SLC36A4: variants seen among roughly 807,000 people sequenced by gnomAD.
SLC36A4 encodes solute carrier family 36 member 4.
A neutral mutation model predicts 50.5 loss-of-function variants in SLC36A4; 49 were observed. The observed-to-expected ratio is 0.97, with a 90% CI of 0.77 to 1.23. The LOEUF (loss-of-function observed/expected upper bound fraction) is 1.23, where lower values mean the gene tolerates loss of function less well. Among genes scored for constraint, SLC36A4 ranks in the 50% most tolerant of loss-of-function variants. The pLI is 0.00. For missense variants in SLC36A4, 611 were observed against 608.4 expected, an observed-to-expected ratio of 1.00 and a Z score of -0.05; for synonymous variants, 207 against 206.5, an observed-to-expected ratio of 1.00 and a Z score of -0.02.
chr11:93,156,208 GTGT>G (rs1284309299), intron 9 of SLC36A4, among the ~76,000 whole-genome samples: 3 of 151,958 alleles, frequency 2.0e-5, no homozygotes, highest in Admixed American at 6.6e-5. Flanking sequence ...TTTATAATAA[GTGT>G]TGTTCCTTTT....
chr11:93,170,543 G>A (rs1209886876), intron 6 of SLC36A4, among the ~76,000 whole-genome samples: 2 of 152,060 alleles, frequency 1.3e-5, no homozygotes, highest in East Asian at 3.9e-4. Flanking sequence ...CCAGGGATAA[G>A]GGGGGTTTGC....
chr11:93,185,727 T>A lies in SLC36A4; in HGVS notation c.143A>T (p.Gln48Leu). 1.2e-6 allele frequency: 2 copies of A among 1,604,746 alleles called. No homozygotes were observed. The highest frequency in any genetic ancestry group is 1.7e-4 in the Middle Eastern group (1 of 6,026). The change falls in exon 2 of 11, where the codon CAG becomes CTG. Residue 48 changes from glutamine to leucine, a missense_variant. By Grantham distance (113) the Gln-to-Leu change is moderately radical. Coordinates refer to ENST00000326402, the MANE Select transcript of SLC36A4 (RefSeq NM_152313.4). The stretch of plus-strand genomic sequence containing the variant: ...TTGATCATCAAGTTGGTAATGCTTC[T>A]GAACAGGCAGAAGCTCTTGCTCATG... ...EEHEQELLPV[Q>L]KHYQLDDQEG...
At chr11:93,193,984 T>C (rs1862320218) in intron 1 of SLC36A4, among the ~76,000 whole-genome samples, 1 of 152,160 alleles carries the variant, frequency 6.6e-6, no homozygotes, top group African/African-American at 2.4e-5. Context: ...AGTTACTTTA[T>C]GAAATATTGC....
intron 1 of SLC36A4, among the ~76,000 whole-genome samples, chr11:93,193,819 T>C (rs1862310993): frequency 6.6e-6 from 1 of 152,186 alleles, no homozygotes; most frequent in Non-Finnish European, 1.5e-5. Flanking sequence ...TTAAAAATGT[T>C]TATTTCTTTC....
rs1016788096 is a variant in SLC36A4 at position 93,146,453 on chromosome 11, A to G, written c.*2084T>C. On this transcript the variant is annotated 3_prime_UTR_variant, in exon 11 of 11. Coordinates refer to ENST00000326402, the MANE Select transcript of SLC36A4 (RefSeq NM_152313.4). ...TTCTGCATTCTCTTAGTATGACTAA[A>G]GGCTCAGTGTAACAGAATTGATATA... The G allele has an allele frequency of 6.6e-5, 10 of 151,998 alleles. No homozygotes were observed. The highest frequency in any genetic ancestry group is 1.2e-4 in the Non-Finnish European group (8 of 67,938). The allele number at this position is 151,998 out of a possible 1,614,324, so 9.4% of individuals were successfully genotyped here.
In SLC36A4 at chr11:93,182,885, T is replaced by C. The variant is rs1478430457; in HGVS notation, c.280A>G (p.Ile94Val). The C allele has an allele frequency of 9.3e-6, 15 of 1,610,834 alleles. No homozygotes were observed. The highest frequency in any genetic ancestry group is 1.3e-5 in the Non-Finnish European group (15 of 1,178,632). ...ATAATTCCTATAAACACAAGGCTGA[T>C]TGGTCCAAGCTGTGGGGAAAAAAAA... is the stretch of plus-strand genomic sequence containing the variant. ...IKNAGIVLGP[I>V]SLVFIGIISV... Residue 94 changes from isoleucine to valine, a missense_variant, in exon 4 of 11, where the codon ATC becomes GTC. Coordinates refer to ENST00000326402, the MANE Select transcript of SLC36A4 (RefSeq NM_152313.4).
intron 6 of SLC36A4, among the ~76,000 whole-genome samples, chr11:93,178,699 T>C (rs1170011963): frequency 2.0e-5 from 3 of 152,152 alleles, no homozygotes; most frequent in African/African-American, 7.2e-5. Flanking sequence ...CATACTGTAA[T>C]GTAATAAAAG....
chr11:93,169,208 A>T (rs914704336), intron 6 of SLC36A4, among the ~76,000 whole-genome samples: 1 of 152,008 alleles, frequency 6.6e-6, no homozygotes, highest in Non-Finnish European at 1.5e-5. Context: ...ACAACATCTC[A>T]CTTAATCCTC....
In SLC36A4 at chr11:93,145,449, T is replaced by G. The variant is rs1006584620; in HGVS notation, c.*3088A>C. ...AGAATACGCTGTAGCTCTTATTTTC[T>G]TAATTGTAAAGAAATCTGGCCATGT... is the stretch of plus-strand genomic sequence containing the variant. On this transcript the variant is annotated 3_prime_UTR_variant, in exon 11 of 11. Coordinates refer to ENST00000326402, the MANE Select transcript of SLC36A4 (RefSeq NM_152313.4). 3 of 152,074 alleles carry G rather than the reference T, an allele frequency of 2.0e-5. No individual in the cohort carries two copies. The highest frequency in any genetic ancestry group is 4.4e-5 in the Non-Finnish European group (3 of 67,988). The allele number at this position is 152,074 out of a possible 1,614,324, so 9.4% of individuals were successfully genotyped here. A position where few individuals can be genotyped will look rare whatever the true frequency, so the allele number is the denominator to read the frequency against.
chr11:93,172,402 C>G (rs987004885), intron 6 of SLC36A4, among the ~76,000 whole-genome samples: 8 of 149,100 alleles, frequency 5.4e-5, no homozygotes, highest in Admixed American at 2.0e-4. Context: ...CCCTTGTCCC[C>G]TCCCACTCTT....
rs755363218 is a variant in SLC36A4, at chr11:93,182,902, G to GA, written c.271-9dup. The GA allele has an allele frequency of 8.6e-5, 136 of 1,590,088 alleles. No homozygotes were observed. Among genetic ancestry groups the GA allele is most frequent in the Non-Finnish European group, 1.1e-4 (124 of 1,167,830 alleles). On this transcript the variant is annotated splice_polypyrimidine_tract_variant and intron_variant, in intron 3 of 10. Transcript: ENST00000326402. The stretch of plus-strand genomic sequence containing the variant: ...AAGGCTGATTGGTCCAAGCTGTGGG[G>GA]AAAAAAAATTTATAAGGTTTAAATA...
Position 93,176,335 on chromosome 11 carries a change from T to C in SLC36A4, c.540+4462A>G, listed in dbSNP as rs1426319450. ...CCTCCATCCTTTTATTTTGAGCCTA[T>C]GTGTGTCTCTGCATGTGAGATGGGT... On this transcript the variant is annotated intron_variant, in intron 6 of 10. Coordinates refer to ENST00000326402, the MANE Select transcript of SLC36A4 (RefSeq NM_152313.4). Among the ~76,000 whole-genome samples, 33 of 151,868 alleles carry C rather than the reference T, an allele frequency of 2.2e-4. 1 individual carries two copies. Among genetic ancestry groups the C allele is most frequent in the Admixed American group, 2.2e-3 (33 of 15,254 alleles).
intron 6 of SLC36A4, among the ~76,000 whole-genome samples, chr11:93,176,103 C>G (rs947728874): frequency 9.6e-5 from 14 of 145,576 alleles, no homozygotes; most frequent in Admixed American, 2.8e-4. Flanking sequence ...GTAGGTCACT[C>G]AGGACTTGCT....
chr11:93,192,540 G>T (rs894624939), intron 1 of SLC36A4, among the ~76,000 whole-genome samples: 1 of 152,066 alleles, frequency 6.6e-6, no homozygotes, highest in African/African-American at 2.4e-5. Flanking sequence ...CAAATTTTTT[G>T]TAGTAACTTT....
At chr11:93,160,190 A>C (rs1860556061) in intron 9 of SLC36A4, 1 of 985,302 alleles carries the variant, frequency 1.0e-6, no homozygotes. Flanking sequence ...CTATTATTTT[A>C]ATTGTCCCAC....
Position 93,162,692 on chromosome 11 carries a change from T to C in SLC36A4, c.1037+14A>G, listed in dbSNP as rs780218023. 26 of 1,574,834 alleles carry C rather than the reference T, an allele frequency of 1.7e-5. No homozygotes were observed. In the South Asian group the frequency reaches 3.0e-4, roughly 18 times the overall value. ...AATATATAAACTAATATTGACAAAT[T>C]CATATACACCTACCATACATCTTGG... is the stretch of plus-strand genomic sequence containing the variant. On this transcript the variant is annotated intron_variant, in intron 9 of 10. Transcript: ENST00000326402.
chr11:93,168,698 T>A (rs576414734), intron 6 of SLC36A4, among the ~76,000 whole-genome samples: 231 of 152,180 alleles, frequency 1.5e-3, no homozygotes, highest in African/African-American at 5.2e-3. Context: ...TTATAAATTA[T>A]CATCACTATC....
intron 1 of SLC36A4, among the ~76,000 whole-genome samples, chr11:93,186,149 C>T (rs1217680385): frequency 2.6e-5 from 4 of 152,082 alleles, no homozygotes; most frequent in African/African-American, 4.8e-5. Flanking sequence ...ATATTTTCAT[C>T]GCTGCTTAGC....
chr11:93,150,953 A>G (rs1860061132), intron 10 of SLC36A4, among the ~76,000 whole-genome samples: 1 of 152,068 alleles, frequency 6.6e-6, no homozygotes, highest in South Asian at 2.1e-4. Context: ...CAAGTGAAAT[A>G]TTGTTGGAAA....
Sources: allele counts gnomAD v4.1 joint callset (sites outside exome capture counted in the v4.1 genomes callset), GRCh38; gene constraint gnomAD v4.1.1; transcripts MANE v1.5; gene names NCBI Gene and HGNC (gene_info 2026-07-23, HGNC 2026-07-21).